The following FGF14 variants were observed in gnomAD, a reference collection of about 807,000 sequenced individuals.
The protein encoded by FGF14 is fibroblast growth factor homologous factor 4.
Under a neutral mutation model 25.5 loss-of-function variants are expected in FGF14, and 5 were observed. The observed-to-expected ratio is 0.20, with a 90% CI of 0.10 to 0.41. The LOEUF (loss-of-function observed/expected upper bound fraction) is 0.41. Among genes scored for constraint, FGF14 ranks in the 10% least tolerant of loss-of-function variants. FGF14 has a pLI of 1.00. For missense variants in FGF14, 222 were observed against 320.1 expected, an observed-to-expected ratio of 0.69 and a Z score of 2.34; for synonymous variants, 138 against 118.3, an observed-to-expected ratio of 1.17 and a Z score of -1.08.
chr13:101,993,210 A>G (rs2038999492), intron 1 of FGF14, among the ~76,000 whole-genome samples: 1 of 151,124 alleles, frequency 6.6e-6, no homozygotes, highest in African/African-American at 2.4e-5. Context: ...AAAAACCCAC[A>G]CAAACAAAAA....
chr13:101,937,023 CTG>C (rs915146969), intron 1 of FGF14, among the ~76,000 whole-genome samples: 46 of 152,336 alleles, frequency 3.0e-4, no homozygotes, highest in African/African-American at 1.1e-3. Flanking sequence ...CTCATAATCT[CTG>C]TGAAAAATGC....
In FGF14 at chr13:102,261,125, C is replaced by T. The variant is rs2052696519; in HGVS notation, c.208+140346G>A. On this transcript the variant is annotated intron_variant, in intron 1 of 4. Transcript: ENST00000376131. ...GTGTCTACAAAAAATGACATCAGGC[C>T]CCAGCAAGGGCAAAAAGACCATGGG... is the stretch of plus-strand genomic sequence containing the variant. Among the ~76,000 whole-genome samples the T allele has an allele frequency of 2.6e-5, 4 of 152,094 alleles. No individual in the cohort carries two copies. The South Asian group carries it at 8.3e-4, about 32-fold the overall frequency.
intron 1 of FGF14, among the ~76,000 whole-genome samples, chr13:102,077,121 A>T (rs1446446756): frequency 1.3e-5 from 2 of 152,180 alleles, no homozygotes; most frequent in Non-Finnish European, 2.9e-5. Flanking sequence ...CATATACAAA[A>T]ATTGGCTCAA....
chr13:102,306,769 A>G (rs2055405068), intron 1 of FGF14, among the ~76,000 whole-genome samples: 1 of 152,224 alleles, frequency 6.6e-6, no homozygotes, highest in Admixed American at 6.5e-5. Flanking sequence ...TTTGCAGTGC[A>G]CAGTATACTT....
intron 1 of FGF14, among the ~76,000 whole-genome samples, chr13:102,393,153 T>C (rs2058474205): frequency 6.6e-6 from 1 of 152,174 alleles, no homozygotes; most frequent in Non-Finnish European, 1.5e-5. Flanking sequence ...TCAGTCTGAG[T>C]TTTATTCCCT....
intron 1 of FGF14, among the ~76,000 whole-genome samples, chr13:101,946,690 G>T (rs2035831534): frequency 6.6e-6 from 1 of 152,164 alleles, no homozygotes; most frequent in South Asian, 2.1e-4. Flanking sequence ...AAAACAGATT[G>T]TCTCTCACAG....
At chr13:101,950,751 G>GTTTTTTTTTTTTTTTTT (rs61285721) in intron 1 of FGF14, among the ~76,000 whole-genome samples, 4 of 131,970 alleles carry the variant, frequency 3.0e-5, no homozygotes, top group Non-Finnish European at 3.2e-5. Flanking sequence ...ACCTAATCAT[G>GTTTTTTTTTTTTTTTTT]TTTTTTTTTT....
At chr13:102,113,476 A>G (rs572445753) in intron 1 of FGF14, among the ~76,000 whole-genome samples, 1 of 152,342 alleles carries the variant, frequency 6.6e-6, no homozygotes, top group East Asian at 1.9e-4. Context: ...TATTTACTGT[A>G]AAATACAACT....
At chr13:101,772,477 C>T (rs1566881892) in intron 3 of FGF14, among the ~76,000 whole-genome samples, 1 of 152,016 alleles carries the variant, frequency 6.6e-6, no homozygotes, top group Admixed American at 6.6e-5. Flanking sequence ...GTTGGGTGCT[C>T]TCTTTATTTT....
chr13:102,091,607 T>C (rs2044168541), intron 1 of FGF14, among the ~76,000 whole-genome samples: 1 of 152,156 alleles, frequency 6.6e-6, no homozygotes, highest in Non-Finnish European at 1.5e-5. Context: ...GGATTCCAGC[T>C]TCATGAGTCT....
At chr13:102,381,666 A>G (rs1424360593) in intron 1 of FGF14, among the ~76,000 whole-genome samples, 1 of 152,218 alleles carries the variant, frequency 6.6e-6, no homozygotes, top group Admixed American at 6.5e-5. Flanking sequence ...AAGTGCTTAT[A>G]TGTTTCACAA....
chr13:101,726,562 A>G, intron 4 of FGF14, 50 bp downstream of exon 4: 1 of 1,553,460 alleles, frequency 6.4e-7, no homozygotes, highest in Non-Finnish European at 8.9e-7. Flanking sequence ...AATTTGAAAA[A>G]TAAAATATGT....
At chr13:102,230,031 C>T (rs1434989708) in intron 1 of FGF14, among the ~76,000 whole-genome samples, 2 of 152,150 alleles carry the variant, frequency 1.3e-5, no homozygotes, top group Non-Finnish European at 2.9e-5. Context: ...GCAATCCTCA[C>T]CCCCAAGGTG....
rs532985218 is a variant in FGF14, at chr13:101,761,241, T to C, written c.409-34431A>G. Among the ~76,000 whole-genome samples, 4 of 152,296 alleles carry C rather than the reference T, an allele frequency of 2.6e-5. No individual in the cohort carries two copies. The South Asian group carries it at 6.2e-4, about 24-fold the overall frequency. On this transcript the variant is annotated intron_variant, in intron 3 of 4. Transcript: ENST00000376143. ...GCGAACCTTCAAATAAATCACAGAA[T>C]ATGCAGGAGAAAACACAAACCAGAT...
At chr13:101,904,950 T>C (rs546254704) in intron 1 of FGF14, among the ~76,000 whole-genome samples, 1 of 152,184 alleles carries the variant, frequency 6.6e-6, no homozygotes, top group Non-Finnish European at 1.5e-5. Context: ...AAAACAAAAG[T>C]TGGTCAAACA....
chr13:101,983,371 T>C (rs1335879931), intron 1 of FGF14, among the ~76,000 whole-genome samples: 1 of 152,144 alleles, frequency 6.6e-6, no homozygotes, highest in Non-Finnish European at 1.5e-5. Flanking sequence ...ACTATTAAAA[T>C]ACTTCCAACA....
chr13:102,353,998 C>G (rs2088262505), intron 1 of FGF14: 1 of 167,930 alleles, frequency 6.0e-6, no homozygotes, highest in South Asian at 1.9e-4. Flanking sequence ...ATCTCAGGAC[C>G]CCAAAATCAC....
intron 3 of FGF14, among the ~76,000 whole-genome samples, chr13:101,740,227 G>A (rs1421891218): frequency 6.6e-6 from 1 of 152,170 alleles, no homozygotes; most frequent in East Asian, 1.9e-4. Context: ...CTCAATGTCT[G>A]AGAGGTTTTG....
chr13:102,006,470 TG>T (rs2039791687), intron 1 of FGF14, among the ~76,000 whole-genome samples: 1 of 152,108 alleles, frequency 6.6e-6, no homozygotes, highest in East Asian at 1.9e-4. Context: ...TTCAATCTGT[TG>T]TCATTATGTA....
Sources: gnomAD v4.1 joint callset for allele counts (sites outside exome capture counted in the v4.1 genomes callset) on GRCh38, gnomAD v4.1.1 for gene constraint, MANE v1.5 for transcripts, NCBI Gene and HGNC (gene_info 2026-07-23, HGNC 2026-07-21) for gene names.